LMF1: variants seen among roughly 807,000 people sequenced by gnomAD.
LMF1 encodes lipase maturation factor 1, also known as transmembrane protein 112.
In LMF1, 68 loss-of-function variants were observed where a neutral mutation model predicts 60.6. The observed-to-expected ratio is 1.12, with a 90% CI of 0.92 to 1.37. The LOEUF (loss-of-function observed/expected upper bound fraction) is 1.37. LMF1 is among the 40% of genes most tolerant of loss of function. LMF1 has a pLI of 0.00. For missense variants in LMF1, 948 were observed against 767.2 expected, an observed-to-expected ratio of 1.24 and a Z score of -2.78; for synonymous variants, 418 against 324.7, an observed-to-expected ratio of 1.29 and a Z score of -3.09.
intron 1 of LMF1, chr16:964,041 C>T (rs934258310): frequency 6.6e-6 from 3 of 455,950 alleles, no homozygotes; most frequent in African/African-American, 6.0e-5. Context: ...GGACCCAGAG[C>T]CTGACCTGGG....
intron 5 of LMF1, among the ~76,000 whole-genome samples, chr16:892,085 G>A (rs533866173): frequency 2.6e-5 from 4 of 152,346 alleles, no homozygotes; most frequent in Admixed American, 2.6e-4. Flanking sequence ...AGGCCGGCAC[G>A]TGGACCAAGA....
intron 3 of LMF1, among the ~76,000 whole-genome samples, chr16:925,600 T>G (rs2071570355): frequency 6.6e-6 from 1 of 152,136 alleles, no homozygotes; most frequent in Non-Finnish European, 1.5e-5. Flanking sequence ...TCGGGTGTGG[T>G]GGTTCATGCC....
At chr16:931,143 C>T (rs1194086926) in intron 3 of LMF1, among the ~76,000 whole-genome samples, 2 of 152,180 alleles carry the variant, frequency 1.3e-5, no homozygotes, top group African/African-American at 2.4e-5. Flanking sequence ...GGTCTGGGAC[C>T]GCCCAGTGGG....
intron 8 of LMF1, 136 bp from the exon 9 acceptor site, chr16:870,202 A>G (rs1387622270): frequency 2.3e-5 from 23 of 1,011,926 alleles, no homozygotes; most frequent in Non-Finnish European, 3.3e-5. Flanking sequence ...CCTCCTGGTC[A>G]GGGGCTACTG....
chr16:907,171 G>A (rs935514579), intron 4 of LMF1, among the ~76,000 whole-genome samples: 2 of 152,166 alleles, frequency 1.3e-5, no homozygotes, highest in African/African-American at 4.8e-5. Flanking sequence ...GGAGGCTGAG[G>A]CAGGTGGATC....
chr16:860,108 T>G (rs74449299), intron 10 of LMF1, among the ~76,000 whole-genome samples: 1 of 151,652 alleles, frequency 6.6e-6, no homozygotes, highest in Non-Finnish European at 1.5e-5. Context: ...TAGTATTAAG[T>G]TATGAAACTT....
chr16:906,244 T>C (rs2070969175), intron 4 of LMF1, among the ~76,000 whole-genome samples: 1 of 152,186 alleles, frequency 6.6e-6, no homozygotes, highest in Non-Finnish European at 1.5e-5. Context: ...CCTCACGCCT[T>C]GTGATGGTTA....
Position 954,359 on chromosome 16 carries a change from G to T in LMF1, c.501C>A (p.Val167=), listed in dbSNP as rs1341388885. The T allele has an allele frequency of 2.5e-6, 4 of 1,611,380 alleles. No homozygotes were observed. In the African/African-American group the frequency reaches 4.0e-5, roughly 16 times the overall value. The change falls in exon 2 of 11, where the codon GTC becomes GTA. Residue 167 remains valine (V), a splice_region_variant and synonymous_variant. Coordinates refer to ENST00000262301, the MANE Select transcript of LMF1 (RefSeq NM_022773.4). ...ACCGCCCCATTCCTGCTACTCACCAGACATGGCCCACATTAACCAGGGACA... is the reference window on the plus strand; with the variant it reads ...ACCGCCCCATTCCTGCTACTCACCATACATGGCCCACATTAACCAGGGACA... The part of the protein sequence containing the change: ...LYMSLVNVGH[V]WYSFGWESQL...
intron 10 of LMF1, among the ~76,000 whole-genome samples, chr16:857,248 G>A (rs1211512323): frequency 6.6e-6 from 1 of 152,264 alleles, no homozygotes; most frequent in African/African-American, 2.4e-5. Flanking sequence ...CGTGAACCTG[G>A]GTTTCAACTC....
intron 1 of LMF1, among the ~76,000 whole-genome samples, chr16:956,815 G>A (rs1305709238): frequency 7.0e-6 from 1 of 142,008 alleles, no homozygotes; most frequent in Non-Finnish European, 1.5e-5. Context: ...CTGCACTCCA[G>A]CCTGGACGAC....
chr16:941,177 A>G (rs1205229025), intron 2 of LMF1, among the ~76,000 whole-genome samples: 2 of 151,932 alleles, frequency 1.3e-5, no homozygotes, highest in African/African-American at 4.8e-5. Flanking sequence ...TTGTACCTTT[A>G]TATTTAAAGC....
chr16:887,109 T>G (rs2070331402), intron 5 of LMF1: 1 of 152,062 alleles, frequency 6.6e-6, no homozygotes, highest in African/African-American at 2.4e-5. Context: ...GGCCCCCATA[T>G]CTGAGGGCGC....
At chr16:971,245 GGT>G (rs2073047043), upstream of LMF1, among the ~76,000 whole-genome samples, 1 of 152,222 alleles carries the variant, frequency 6.6e-6, no homozygotes, top group South Asian at 2.1e-4. Context: ...CCTGGGAGGT[GGT>G]GCGCGTCGCC....
intron 2 of LMF1, among the ~76,000 whole-genome samples, chr16:953,238 T>C (rs113125082): frequency 0.028 from 400 of 14,478 alleles, 6 homozygotes; most frequent in South Asian, 0.06. Flanking sequence ...GCCTCCTACA[T>C]GTCCACACAG....
chr16:980,292 G>C (rs1426597137), intron 1 of LMF1: 1 of 157,348 alleles, frequency 6.4e-6, no homozygotes, highest in Non-Finnish European at 1.4e-5. Context: ...GGACGGGGGC[G>C]GGCGGCCGCT....
upstream of LMF1, chr16:971,076 GC>G (rs2073042950): frequency 1.6e-6 from 2 of 1,271,126 alleles, no homozygotes; most frequent in South Asian, 1.8e-5. Context: ...CCTGCCCACG[GC>G]CGAAGGCCCC....
At chr16:976,929 T>C (rs1378453334) in intron 1 of LMF1, 1 of 454,030 alleles carries the variant, frequency 2.2e-6, no homozygotes, top group Non-Finnish European at 4.4e-6. Context: ...AGGCTCCCAG[T>C]GTGTCAGGGG....
chr16:886,113 T>G (rs1431282000), intron 5 of LMF1, among the ~76,000 whole-genome samples: 1 of 152,234 alleles, frequency 6.6e-6, no homozygotes, highest in African/African-American at 2.4e-5. Flanking sequence ...GTTACGACAT[T>G]TGATTCTCAC....
chr16:856,998 C>T (rs143303335), intron 10 of LMF1, among the ~76,000 whole-genome samples: 11 of 152,356 alleles, frequency 7.2e-5, no homozygotes, highest in East Asian at 1.9e-4. Flanking sequence ...ATTTCAAGAA[C>T]GTATGATTTC....
Sources: gnomAD v4.1 joint callset for allele counts (sites outside exome capture counted in the v4.1 genomes callset) on GRCh38, gnomAD v4.1.1 for gene constraint, MANE v1.5 for transcripts, NCBI Gene and HGNC (gene_info 2026-07-23, HGNC 2026-07-21) for gene names.